The following CHD1L variants were observed in gnomAD, a reference collection of about 807,000 sequenced individuals.
CHD1L encodes ATP-dependent chromatin remodeler CHD1L.
Under a neutral mutation model 115.9 loss-of-function variants are expected in CHD1L, and 118 were observed. The ratio of observed to expected loss-of-function variants is 1.02; its 90% CI spans 0.88 to 1.19. CHD1L has a LOEUF of 1.19. CHD1L is among the 50% of genes most tolerant of loss of function. The pLI is 0.00. For synonymous variants in CHD1L, 411 were observed against 387.1 expected, an observed-to-expected ratio of 1.06 and a Z score of -0.72; for missense variants, 1,179 against 1,065.3, an observed-to-expected ratio of 1.11 and a Z score of -1.49.
At chr1:147,283,465 G>T (rs1681741289) in intron 15 of CHD1L, among the ~76,000 whole-genome samples, 1 of 152,140 alleles carries the variant, frequency 6.6e-6, no homozygotes, top group Non-Finnish European at 1.5e-5. Flanking sequence ...GGCTGGTCCT[G>T]ACTTTTCTTA....
the CHD1L span, chr1:147,203,589 G>T: frequency 1.9e-6 from 2 of 1,080,190 alleles, no homozygotes; most frequent in Admixed American, 1.7e-5. Flanking sequence ...AGTGCACGGG[G>T]AATAGCTTCA....
At chr1:147,285,851 C>A (rs1553965223) in intron 17 of CHD1L, among the ~76,000 whole-genome samples, 1 of 152,044 alleles carries the variant, frequency 6.6e-6, no homozygotes, top group African/African-American at 2.4e-5. Context: ...TGTGTGCCAC[C>A]ATGCCTGGCT....
chr1:147,182,657 A>G, the CHD1L span, among the ~76,000 whole-genome samples: 1 of 152,172 alleles, frequency 6.6e-6, no homozygotes, highest in Non-Finnish European at 1.5e-5. Context: ...TAAAATCTTT[A>G]CTGAATGAAG....
chr1:147,212,322 C>A, the CHD1L span: 1 of 1,498,062 alleles, frequency 6.7e-7, no homozygotes, highest in South Asian at 1.2e-5. Context: ...TCTGTTGGGT[C>A]CACCTGCAGC....
chr1:147,266,776 T>A (rs1253008849), intron 8 of CHD1L, among the ~76,000 whole-genome samples: 2 of 152,348 alleles, frequency 1.3e-5, no homozygotes, highest in African/African-American at 2.4e-5. Flanking sequence ...AATAAAAAAA[T>A]GAAAAACAAT....
Position 147,276,204 on chromosome 1 carries a change from G to A in CHD1L, c.1486G>A (p.Gly496Arg), listed in dbSNP as rs1553957778. 4 of 1,614,070 alleles carry A rather than the reference G, an allele frequency of 2.5e-6. No individual in the cohort carries two copies. Among genetic ancestry groups the A allele is most frequent in the Admixed American group, 3.3e-5 (2 of 60,006 alleles). Residue 496 changes from glycine to arginine, a missense_variant, in exon 14 of 23, where the codon GGA becomes AGA. Physicochemically the swap from Gly to Arg is moderately radical, Grantham distance 125. Coordinates refer to ENST00000369258, the MANE Select transcript of CHD1L (RefSeq NM_004284.6). Reference protein sequence around the residue: ...KLQLTNMIIEGGHFTLGAQKP... With the variant: ...KLQLTNMIIERGHFTLGAQKP... ...GCAGCTCACCAACATGATCATAGAA[G>A]GAGGCCATTTTACTCTGGGAGCCCA...
intron 15 of CHD1L, among the ~76,000 whole-genome samples, chr1:147,281,959 G>A (rs1379366843): frequency 6.6e-6 from 1 of 152,058 alleles, no homozygotes; most frequent in Non-Finnish European, 1.5e-5. Context: ...AACACTTAAC[G>A]TCCACTCTCC....
the CHD1L span, chr1:147,210,939 T>C: frequency 2.0e-5 from 3 of 152,326 alleles, no homozygotes; most frequent in South Asian, 4.1e-4. Flanking sequence ...ACAAGAATTA[T>C]ACGAAAAACT....
At chr1:147,205,399 A>T in the CHD1L span, among the ~76,000 whole-genome samples, 2 of 152,202 alleles carry the variant, frequency 1.3e-5, no homozygotes, top group African/African-American at 4.8e-5. Flanking sequence ...GTGGTTCTTG[A>T]TGTGACCCAC....
upstream of CHD1L, among the ~76,000 whole-genome samples, chr1:147,242,462 C>G (rs1255715984): frequency 6.6e-6 from 1 of 152,224 alleles, no homozygotes; most frequent in East Asian, 1.9e-4. Context: ...GATCAGACGC[C>G]TAGCGCTTCA....
chr1:147,232,483 C>CTCTCCCTCTCCCTCTCCCCATGG, the CHD1L span, among the ~76,000 whole-genome samples: 1 of 151,894 alleles, frequency 6.6e-6, no homozygotes, highest in Non-Finnish European at 1.5e-5. Flanking sequence ...CAACCTCTCC[C>CTCTCCCTCTCCCTCTCCCCATGG]TCTCCCTCTC....
At position 147,252,752 on chromosome 1, in the gene CHD1L, C is replaced by A. The variant is rs587733875; in HGVS notation, c.240+17C>A. 42 of 1,556,972 alleles carry A rather than the reference C, an allele frequency of 2.7e-5. No homozygotes were observed. In the African/African-American group the frequency reaches 4.9e-4, roughly 18 times the overall value. ...ACCTGCCAGGTGTGTTACTATGCGA[C>A]GAGTACTGCTCACCGCCACTGCGAT... On this transcript the variant is annotated intron_variant, in intron 2 of 22. Transcript: ENST00000369258.
chr1:147,233,187 C>T, the CHD1L span, among the ~76,000 whole-genome samples: 3 of 151,750 alleles, frequency 2.0e-5, no homozygotes, highest in Non-Finnish European at 2.9e-5. Context: ...TCTGCCCAGC[C>T]GCCCCGTCTG....
At chr1:147,242,555 C>CCCCTGGCT, upstream of CHD1L, 1 of 825,604 alleles carries the variant, frequency 1.2e-6, no homozygotes. Context: ...ACTGCACCAG[C>CCCCTGGCT]TCCGCTCCGG....
chr1:147,177,953 G>A, the CHD1L span, among the ~76,000 whole-genome samples: 1 of 152,140 alleles, frequency 6.6e-6, no homozygotes, highest in African/African-American at 2.4e-5. Context: ...AGGACACTAA[G>A]GAGACTTAAC....
rs781787419 is a variant in CHD1L, at chr1:147,295,527, G to C, written c.*18G>C. 1.2e-5 allele frequency: 19 copies of C among 1,575,210 alleles called. No homozygotes were observed. The South Asian group carries it at 2.1e-4, about 18-fold the overall frequency. ...TGCCTTAAGAATTGGCCCAGCCTCAGATCCTGTCTTTAGCAACCAGCTAAT... is the reference window on the plus strand; with the variant it reads ...TGCCTTAAGAATTGGCCCAGCCTCACATCCTGTCTTTAGCAACCAGCTAAT... On this transcript the variant is annotated 3_prime_UTR_variant, in exon 23 of 23. Coordinates refer to ENST00000369258, the MANE Select transcript of CHD1L (RefSeq NM_004284.6).
the CHD1L span, among the ~76,000 whole-genome samples, chr1:147,194,712 A>C: frequency 6.6e-6 from 1 of 152,020 alleles, no homozygotes; most frequent in East Asian, 1.9e-4. Context: ...GGTGGTCACA[A>C]AATCTCTCAG....
chr1:147,294,676 T>C (rs587756201), intron 22 of CHD1L, among the ~76,000 whole-genome samples, 159 bp downstream of exon 22: 1 of 152,334 alleles, frequency 6.6e-6, no homozygotes, highest in African/African-American at 2.4e-5. Context: ...CTTTCTAACT[T>C]GTGTGTATCA....
intron 14 of CHD1L, among the ~76,000 whole-genome samples, chr1:147,279,397 C>T (rs1261554773): frequency 1.3e-5 from 2 of 152,146 alleles, no homozygotes; most frequent in African/African-American, 2.4e-5. Context: ...GCTGAGAGTA[C>T]TCCAGAGAGG....
Sources: gnomAD v4.1 joint callset for allele counts (sites outside exome capture counted in the v4.1 genomes callset) on GRCh38, gnomAD v4.1.1 for gene constraint, MANE v1.5 for transcripts, NCBI Gene and HGNC (gene_info 2026-07-23, HGNC 2026-07-21) for gene names.